Variants in DOP1A observed in about 807,000 individuals in gnomAD.
The protein encoded by DOP1A is DOP1 leucine zipper like protein A.
DOP1A carries 90 observed loss-of-function variants against 267.6 expected under a neutral mutation model. The observed-to-expected ratio is 0.34, with a 90% CI of 0.28 to 0.40. The LOEUF is 0.40. DOP1A is among the 10% of genes least tolerant of loss of function. The probability of loss-of-function intolerance (pLI) is 1.00; values close to 1 mark genes in which losing one functional copy is unlikely to be tolerated. For missense variants in DOP1A, 2,437 were observed against 2,900.4 expected, an observed-to-expected ratio of 0.84 and a Z score of 3.67; for synonymous variants, 932 against 999.1, an observed-to-expected ratio of 0.93 and a Z score of 1.27.
At chr6:83,094,502 C>G (rs1348576742) in intron 1 of DOP1A, among the ~76,000 whole-genome samples, 1 of 152,136 alleles carries the variant, frequency 6.6e-6, no homozygotes, top group Non-Finnish European at 1.5e-5. Flanking sequence ...AGGAGCTACG[C>G]CAATTTATGT....
intron 1 of DOP1A, among the ~76,000 whole-genome samples, chr6:83,069,406 C>T (rs572124226): frequency 2.0e-5 from 3 of 152,192 alleles, no homozygotes; most frequent in African/African-American, 7.2e-5. Context: ...AGAAGGTTAT[C>T]CTAGCATTCC....
At chr6:83,082,706 T>G (rs1768334444) in intron 1 of DOP1A, among the ~76,000 whole-genome samples, 1 of 152,224 alleles carries the variant, frequency 6.6e-6, no homozygotes, top group Non-Finnish European at 1.5e-5. Flanking sequence ...ATTAGCTACA[T>G]TTAACCATTA....
rs543379167 is a variant in DOP1A at position 83,067,970 on chromosome 6, C to T, written c.-147+191C>T. On this transcript the variant is annotated intron_variant, in intron 1 of 38. Transcript: ENST00000349129. ...GGCCGCCCTCTGGTTTACGGGGAGT[C>T]GGGAGCTGCGCGGGGACTGGAGGGC... 2.6e-5 allele frequency among the ~76,000 whole-genome samples: 4 copies of T among 152,146 alleles called. No individual in the cohort carries two copies. In the South Asian group the frequency reaches 6.2e-4, roughly 24 times the overall value.
At chr6:83,171,314 T>G, downstream of DOP1A, 1 of 152,020 alleles carries the variant, frequency 6.6e-6, no homozygotes, top group Non-Finnish European at 1.5e-5. Context: ...TTTTTATATC[T>G]ATTTTTAATT....
At chr6:83,086,624 C>A (rs760901651) in intron 1 of DOP1A, among the ~76,000 whole-genome samples, 2 of 151,996 alleles carry the variant, frequency 1.3e-5, no homozygotes, top group African/African-American at 4.8e-5. Context: ...GGAAGAGTCC[C>A]GGAAGCCAAA....
chr6:83,167,275 ATGT>A, intron 38 of DOP1A: 4 of 984,708 alleles, frequency 4.1e-6, no homozygotes, highest in Non-Finnish European at 2.4e-6. Flanking sequence ...TTTCCTCCCT[ATGT>A]TGTTTAGCAC....
intron 16 of DOP1A, among the ~76,000 whole-genome samples, chr6:83,129,865 G>A (rs1324046812): frequency 1.3e-5 from 2 of 152,036 alleles, no homozygotes; most frequent in Non-Finnish European, 2.9e-5. Context: ...ACTACATAAT[G>A]CTTATTGATC....
chr6:83,167,951 G>A lies in DOP1A; in HGVS notation c.7182G>A (p.Glu2394=). The A allele has an allele frequency of 6.2e-7, 1 of 1,614,156 alleles. No homozygotes were observed. Among genetic ancestry groups the A allele is most frequent in the Non-Finnish European group, 8.5e-7 (1 of 1,180,018 alleles). The change falls in exon 39 of 39, where the codon GAG becomes GAA. Residue 2394 remains glutamate (E), a synonymous_variant. Coordinates refer to ENST00000349129, the MANE Select transcript of DOP1A (RefSeq NM_015018.4). Reference sequence around the variant, plus strand: ...CCATCTGCACCGTGCGCAGTATGGAGCAGCTCCTGCCGTTCTTCAATGTGC... The same window carrying A: ...CCATCTGCACCGTGCGCAGTATGGAACAGCTCCTGCCGTTCTTCAATGTGC... ...LLTICTVRSM[E]QLLPFFNVLS...
chr6:83,169,446 A>C (rs1025644087), downstream of DOP1A: 32 of 1,147,440 alleles, frequency 2.8e-5, no homozygotes, highest in African/African-American at 4.9e-4. Flanking sequence ...TTCACTAACA[A>C]ATTCTAATGA....
rs185222863 is a variant in DOP1A at position 83,167,799 on chromosome 6, A to T, written c.7093-63A>T. On this transcript the variant is annotated intron_variant, in intron 38 of 38. Coordinates refer to ENST00000349129, the MANE Select transcript of DOP1A (RefSeq NM_015018.4). Reference sequence around the variant, plus strand: ...CAATTGCCAAAGTTTATATATTTTTAATTTTTCTAACATACCACATTGTCT... The same window carrying T: ...CAATTGCCAAAGTTTATATATTTTTTATTTTTCTAACATACCACATTGTCT... 235 of 1,493,330 alleles carry T rather than the reference A, an allele frequency of 1.6e-4. 1 individual carries two copies. In the African/African-American group the frequency reaches 3.1e-3, roughly 20 times the overall value. 92.5% of individuals were successfully genotyped at this position (1,493,330 alleles called of 1,614,324 possible).
intron 35 of DOP1A, among the ~76,000 whole-genome samples, chr6:83,157,576 A>G (rs894458751): frequency 3.3e-5 from 5 of 152,232 alleles, no homozygotes; most frequent in Admixed American, 6.5e-5. Context: ...TTTAGTGTTT[A>G]GTCTGTACTA....
At chr6:83,079,446 A>G (rs1235489612) in intron 1 of DOP1A, among the ~76,000 whole-genome samples, 1 of 152,184 alleles carries the variant, frequency 6.6e-6, no homozygotes, top group Non-Finnish European at 1.5e-5. Context: ...GTTTACAGAT[A>G]TTCAGTTAAA....
chr6:83,158,808 C>G (rs1424766873), intron 36 of DOP1A, among the ~76,000 whole-genome samples, 186 bp downstream of exon 36: 1 of 152,144 alleles, frequency 6.6e-6, no homozygotes, highest in Non-Finnish European at 1.5e-5. Flanking sequence ...ATTAAGCCAT[C>G]AGCATTCATT....
At chr6:83,169,315 T>C (rs763498324), downstream of DOP1A, 2 of 1,613,570 alleles carry the variant, frequency 1.2e-6, no homozygotes, top group Non-Finnish European at 1.7e-6. Flanking sequence ...CAAGGTGATC[T>C]GCACTTTCCT....
chr6:83,070,785 T>C (rs1281747440), intron 1 of DOP1A, among the ~76,000 whole-genome samples: 3 of 152,152 alleles, frequency 2.0e-5, no homozygotes, highest in South Asian at 4.1e-4. Context: ...GGCAAACATA[T>C]AGCAGGCACT....
chr6:83,111,993 G>A (rs779361556), intron 6 of DOP1A, among the ~76,000 whole-genome samples: 50 of 151,952 alleles, frequency 3.3e-4, no homozygotes, highest in Non-Finnish European at 5.3e-4. Context: ...TCTTCAATGC[G>A]TAAGTTTATT....
At position 83,110,289 on chromosome 6, in the gene DOP1A, T is replaced by A. The variant is rs777142870; in HGVS notation, c.656T>A (p.Ile219Lys). 6.2e-7 allele frequency: 1 copy of A among 1,613,344 alleles called. No homozygotes were observed. The highest frequency in any genetic ancestry group is 8.5e-7 in the Non-Finnish European group (1 of 1,179,802). Residue 219 changes from isoleucine (I) to lysine (K), a missense_variant, in exon 6 of 39, where the codon ATA becomes AAA. Physicochemically the swap from Ile to Lys is moderately radical, Grantham distance 102 (BLOSUM62 -3). Around this residue, in one of 9 missense-constraint regions of DOP1A, gnomAD observed 251 missense variants for 359.1 expected, o/e 0.70. Coordinates refer to ENST00000349129, the MANE Select transcript of DOP1A (RefSeq NM_015018.4). ...CTTTCTATGGAAGATCAACTTTATA[T>A]AATTGGCAGTGATATTGAGCTAATG... ...RKLSMEDQLYIIGSDIELMVE... is the reference protein window; with the variant it reads ...RKLSMEDQLYKIGSDIELMVE...
chr6:83,080,015 C>A (rs1436564052), intron 1 of DOP1A, among the ~76,000 whole-genome samples: 8 of 151,958 alleles, frequency 5.3e-5, no homozygotes, highest in Admixed American at 2.0e-4. Flanking sequence ...CTTTCTTCTT[C>A]CAAACTATTA....
At chr6:83,157,613 C>T (rs927093) in intron 35 of DOP1A, among the ~76,000 whole-genome samples, 82 of 152,286 alleles carry the variant, frequency 5.4e-4, no homozygotes, top group Non-Finnish European at 1.1e-3. Flanking sequence ...CTGTCATGGC[C>T]TACAGTCCTG....
Sources: gnomAD v4.1 joint callset for allele counts (sites outside exome capture counted in the v4.1 genomes callset) on GRCh38, gnomAD v4.1.1 for gene constraint, gnomAD v4.1.1 regional missense constraint, MANE v1.5 for transcripts, NCBI Gene and HGNC (gene_info 2026-07-23, HGNC 2026-07-21) for gene names.